Variants in NDUFA10 observed in about 807,000 individuals in gnomAD.
NDUFA10 encodes NADH dehydrogenase [ubiquinone] 1 alpha subcomplex subunit 10, mitochondrial.
A neutral mutation model predicts 47.8 loss-of-function variants in NDUFA10; 40 were observed. The ratio of observed to expected loss-of-function variants is 0.84; its 90% CI spans 0.65 to 1.09. The LOEUF is 1.09. NDUFA10 is among the 50% of genes least tolerant of loss of function. NDUFA10 has a pLI of 0.00. For missense variants in NDUFA10, 413 were observed against 451.1 expected, an observed-to-expected ratio of 0.92 and a Z score of 0.76; for synonymous variants, 183 against 172.2, an observed-to-expected ratio of 1.06 and a Z score of -0.49.
At chr2:239,949,912 A>G (rs775166499) in intron 4 of NDUFA10, among the ~76,000 whole-genome samples, 4 of 152,128 alleles carry the variant, frequency 2.6e-5, no homozygotes, top group Non-Finnish European at 2.9e-5. Context: ...AACTGTCTCC[A>G]TATCTGTTCA....
chr2:239,982,585 C>A (rs535405788), intron 9 of NDUFA10, among the ~76,000 whole-genome samples: 1 of 152,292 alleles, frequency 6.6e-6, no homozygotes, highest in African/African-American at 2.4e-5. Flanking sequence ...ATCAGACATA[C>A]CTCCACCTGC....
At chr2:239,968,624 T>C (rs1009756710) in intron 9 of NDUFA10, among the ~76,000 whole-genome samples, 1 of 152,002 alleles carries the variant, frequency 6.6e-6, no homozygotes, top group Non-Finnish European at 1.5e-5. Context: ...TTTTACGGAG[T>C]AGAGCACTAA....
intron 4 of NDUFA10, among the ~76,000 whole-genome samples, chr2:239,921,889 C>G (rs991152803): frequency 1.3e-5 from 2 of 151,612 alleles, no homozygotes; most frequent in Non-Finnish European, 2.9e-5. Flanking sequence ...TCCCTCCTTC[C>G]CTCTCTCCTT....
chr2:240,001,219 A>G (rs10193614), intron 8 of NDUFA10, among the ~76,000 whole-genome samples: 23,723 of 152,262 alleles, frequency 0.16, 1,973 homozygotes, highest in African/African-American at 0.21. Context: ...AATTGAGGAT[A>G]ATTAATGTAA....
intron 4 of NDUFA10, among the ~76,000 whole-genome samples, chr2:239,938,492 G>A (rs1694304882): frequency 6.6e-6 from 1 of 152,242 alleles, no homozygotes; most frequent in Non-Finnish European, 1.5e-5. Context: ...CAATGGAGAA[G>A]CTCTTCTATG....
chr2:239,951,633 C>T (rs999132948), intron 4 of NDUFA10, among the ~76,000 whole-genome samples: 6 of 152,236 alleles, frequency 3.9e-5, no homozygotes, highest in South Asian at 4.1e-4. Flanking sequence ...CACAGCCGGG[C>T]GTGGAGAGTC....
At chr2:239,920,104 T>C (rs1368332660) in intron 4 of NDUFA10, among the ~76,000 whole-genome samples, 5 of 151,998 alleles carry the variant, frequency 3.3e-5, no homozygotes, top group African/African-American at 1.2e-4. Flanking sequence ...GGTGGGGCCT[T>C]TGGGAGGTGG....
At chr2:239,969,609 T>C in intron 9 of NDUFA10, 13 of 470,150 alleles carry the variant, frequency 2.8e-5, no homozygotes, top group South Asian at 2.0e-4. Flanking sequence ...AAATCTTTCC[T>C]GGATTCTTTC....
At position 239,987,948 on chromosome 2, in the gene NDUFA10, T is replaced by TGATA. The variant is rs1470386793; in HGVS notation, c.999+2122_999+2125dup. On this transcript the variant is annotated intron_variant, in intron 9 of 9. Coordinates refer to ENST00000252711, the MANE Select transcript of NDUFA10 (RefSeq NM_004544.4). The surrounding 1 kb of genome is among the most constrained non-coding windows in gnomAD (Gnocchi z 4.8). ...TAGTAACAAAAAGCTATTAAAAGAA[T>TGATA]GATAACTAGTAGTAGGGAAATAGGT... Among the ~76,000 whole-genome samples the TGATA allele has an allele frequency of 3.3e-5, 5 of 151,802 alleles. No individual in the cohort carries two copies. In the East Asian group the frequency reaches 7.7e-4, roughly 23 times the overall value.
At chr2:239,951,028 G>C (rs1310062845) in intron 4 of NDUFA10, among the ~76,000 whole-genome samples, 1 of 152,232 alleles carries the variant, frequency 6.6e-6, no homozygotes, top group Non-Finnish European at 1.5e-5. Context: ...CCTGGAAGGA[G>C]TGCAGAAGGG....
chr2:239,983,736 A>G, intron 9 of NDUFA10: 1 of 1,552,966 alleles, frequency 6.4e-7, no homozygotes, highest in Non-Finnish European at 8.7e-7. Context: ...ACATCGGGCA[A>G]CCCTCAACTG....
At chr2:239,954,618 C>T (rs1311821133), downstream of NDUFA10, among the ~76,000 whole-genome samples, 3 of 152,214 alleles carry the variant, frequency 2.0e-5, no homozygotes, top group Admixed American at 6.5e-5. Flanking sequence ...TGCATATTTA[C>T]CCATTGGATG....
chr2:239,915,577 G>GAC (rs1290829876), intron 4 of NDUFA10, among the ~76,000 whole-genome samples: 3 of 134,110 alleles, frequency 2.2e-5, no homozygotes, highest in African/African-American at 5.9e-5. Flanking sequence ...CAAATATACA[G>GAC]ACACACACAC....
intron 4 of NDUFA10, among the ~76,000 whole-genome samples, chr2:239,931,482 C>T (rs1694172248): frequency 1.3e-5 from 2 of 152,260 alleles, no homozygotes; most frequent in South Asian, 2.1e-4. Context: ...CAGGTGGACA[C>T]GTTCTGGGGA....
At chr2:239,920,124 AGTGGGGTCACAGG>A (rs1305185639) in intron 4 of NDUFA10, among the ~76,000 whole-genome samples, 1 of 152,134 alleles carries the variant, frequency 6.6e-6, no homozygotes, top group Non-Finnish European at 1.5e-5. Flanking sequence ...GTCAGGGTTC[AGTGGGGTCACAGG>A]GTGGGGCCCC....
chr2:240,007,840 C>T (rs1697004768), intron 6 of NDUFA10, among the ~76,000 whole-genome samples: 1 of 151,968 alleles, frequency 6.6e-6, no homozygotes, highest in South Asian at 2.1e-4. Context: ...CGAGCACAGG[C>T]AGAGGGCATC....
rs144070064 is a variant in NDUFA10, at chr2:240,024,742, G to A, written c.75+485C>T. Among the ~76,000 whole-genome samples, 876 of 152,318 alleles carry A rather than the reference G, an allele frequency of 5.8e-3. 8 individuals are homozygous for A. Among genetic ancestry groups the A allele is most frequent in the African/African-American group, 0.02 (828 of 41,566 alleles). On this transcript the variant is annotated intron_variant, in intron 1 of 9. Coordinates refer to ENST00000252711, the MANE Select transcript of NDUFA10 (RefSeq NM_004544.4). ...GTATGAAACGATTTCACTGAAGAAG[G>A]TGGGGGCAAAATGCTAAGAAATGAG...
At chr2:240,002,308 C>A (rs1696752791) in intron 8 of NDUFA10, among the ~76,000 whole-genome samples, 1 of 103,360 alleles carries the variant, frequency 9.7e-6, no homozygotes, top group Admixed American at 1.3e-4. Flanking sequence ...CCAGTCTGGG[C>A]AACAAGAGCA....
chr2:239,963,120 G>A (rs1301622209), intron 9 of NDUFA10, among the ~76,000 whole-genome samples: 1 of 152,192 alleles, frequency 6.6e-6, no homozygotes, highest in Non-Finnish European at 1.5e-5. Context: ...AGACGGTTTT[G>A]TTTGGGTGCC....
Sources: allele counts gnomAD v4.1 joint callset (sites outside exome capture counted in the v4.1 genomes callset), GRCh38; gene constraint gnomAD v4.1.1; non-coding constraint Gnocchi (gnomAD v3.1); transcripts MANE v1.5; gene names NCBI Gene and HGNC (gene_info 2026-07-23, HGNC 2026-07-21).